Variants in HERC2 observed in about 807,000 individuals in gnomAD.
HERC2 encodes HECT and RLD domain containing E3 ubiquitin protein ligase 2, also known as E3 ubiquitin-protein ligase HERC2.
HERC2 carries 102 observed loss-of-function variants against 537.7 expected under a neutral mutation model. That is an observed-to-expected ratio of 0.19 (90% CI 0.16 to 0.22). HERC2 has a LOEUF of 0.22. Among genes scored for constraint, HERC2 ranks in the 10% least tolerant of loss-of-function variants. The pLI is 1.00. For missense variants in HERC2, 4,236 were observed against 6,198.2 expected (o/e 0.68, Z 10.63); for synonymous variants, 2,224 against 2,466.2 (o/e 0.90, Z 2.91).
intron 4 of HERC2, among the ~76,000 whole-genome samples, chr15:28,285,806 A>AAAAAT (rs1476302479): frequency 3.3e-5 from 5 of 149,884 alleles, no homozygotes; most frequent in Non-Finnish European, 7.4e-5. Context: ...TGACTGACAA[A>AAAAAT]AAAAAAAAAA....
chr15:28,293,119 T>C (rs1334557204), intron 3 of HERC2, 97 bp from the exon 4 acceptor site: 12 of 971,048 alleles, frequency 1.2e-5, no homozygotes, highest in Non-Finnish European at 1.9e-5. Flanking sequence ...ACAACACACA[T>C]CATTAACTGA....
chr15:28,115,390 A>G (rs753683654), intron 89 of HERC2, 39 bp downstream of exon 89: 10 of 1,418,728 alleles, frequency 7.0e-6, no homozygotes, highest in African/African-American at 1.4e-5. Flanking sequence ...GCCTGTTAAC[A>G]AGACCCTAGA....
At chr15:28,136,323 A>G (rs10852220) in intron 78 of HERC2, among the ~76,000 whole-genome samples, 139,209 of 151,844 alleles carry the variant, frequency 0.92, 64,728 homozygotes, top group Non-Finnish European at 0.99. Flanking sequence ...GTGCTGCTGC[A>G]CTGACATAAT....
rs1403000380 is a variant in HERC2 at position 28,303,709 on chromosome 15, GTCT to G, written c.73-4196_73-4194del. 2.0e-5 allele frequency among the ~76,000 whole-genome samples: 3 copies of G among 152,200 alleles called. No homozygotes were observed. In the East Asian group the frequency reaches 5.8e-4, roughly 29 times the overall value. On this transcript the variant is annotated intron_variant, in intron 2 of 92. Transcript: ENST00000261609. ...CGGAGTATCTTTTCCTTTTTTGTGT[GTCT>G]TCTTCAATTTTCTGCATCACTGTTT... is the stretch of plus-strand genomic sequence containing the variant.
chr15:28,124,897 C>T (rs1403669642), intron 84 of HERC2, 109 bp downstream of exon 84: 1 of 1,145,582 alleles, frequency 8.7e-7, no homozygotes, highest in Non-Finnish European at 1.2e-6. Flanking sequence ...TTTACTGAGC[C>T]TGAATTATTT....
chr15:28,251,861 A>AT (rs2075094607), intron 20 of HERC2, among the ~76,000 whole-genome samples: 1 of 152,232 alleles, frequency 6.6e-6, no homozygotes, highest in South Asian at 2.1e-4. Context: ...AAATATTACC[A>AT]TTTCAACATG....
At chr15:28,282,630 C>T (rs991232685) in intron 4 of HERC2, among the ~76,000 whole-genome samples, 2 of 152,148 alleles carry the variant, frequency 1.3e-5, no homozygotes, top group Admixed American at 1.3e-4. Context: ...GTGAATAACA[C>T]AGAAGAAATA....
At chr15:28,251,277 T>G (rs1441923442) in intron 20 of HERC2, among the ~76,000 whole-genome samples, 2 of 151,776 alleles carry the variant, frequency 1.3e-5, no homozygotes, top group African/African-American at 4.8e-5. Context: ...ACCCCATCTC[T>G]ACTAAAAATA....
Position 28,212,461 on chromosome 15 carries a change from A to C in HERC2, c.6909T>G (p.Thr2303=). ...TGTACTGACCTGCAAAGGCCTGTTT[A>C]GTCGATTTCTTTATTTTGTGCTTTT... ...KLEKHKIKKS[T]KQAFAGQVDL... Residue 2303 remains threonine (T), a synonymous_variant, in exon 43 of 93, where the codon ACT becomes ACG. Transcript: ENST00000261609. 2 of 1,610,758 alleles carry C rather than the reference A, an allele frequency of 1.2e-6. No homozygotes were observed. Among genetic ancestry groups the C allele is most frequent in the Non-Finnish European group, 1.7e-6 (2 of 1,178,906 alleles).
Position 28,228,245 on chromosome 15 carries a change from G to A in HERC2, c.5437C>T (p.Leu1813Phe). The A allele has an allele frequency of 6.2e-7, 1 of 1,613,696 alleles. No homozygotes were observed. The highest frequency in any genetic ancestry group is 8.5e-7 in the Non-Finnish European group (1 of 1,179,824). Residue 1813 changes from leucine (L) to phenylalanine (F), a missense_variant, in exon 35 of 93, where the codon CTC (leucine) becomes TTC (phenylalanine). Leu to Phe is a conservative substitution (Grantham distance 22). Coordinates refer to ENST00000261609, the MANE Select transcript of HERC2 (RefSeq NM_004667.6). ...ATCAGGCGCAGTGCCGTCTGCGTGAGGGCCAGCATGCCGGAATTGAGCAGA... is the reference window on the plus strand; with the variant it reads ...ATCAGGCGCAGTGCCGTCTGCGTGAAGGCCAGCATGCCGGAATTGAGCAGA... Reference protein sequence around the residue: ...DLLLNSGMLALTQTALRLIGP... With the variant: ...DLLLNSGMLAFTQTALRLIGP...
intron 2 of HERC2, among the ~76,000 whole-genome samples, chr15:28,310,828 A>C (rs1188308532): frequency 6.6e-6 from 1 of 152,200 alleles, no homozygotes; most frequent in Admixed American, 6.6e-5. Context: ...CTGTAATCCC[A>C]GCACTTTGGG....
At chr15:28,256,026 T>C (rs1209966681) in intron 18 of HERC2, 30 bp from the exon 19 acceptor site, 2 of 1,604,942 alleles carry the variant, frequency 1.2e-6, no homozygotes, top group African/African-American at 2.7e-5. Flanking sequence ...CCAATTTGAG[T>C]GAAACGCCAT....
At position 28,122,242 on chromosome 15, in the gene HERC2, G is replaced by A. The variant is rs1344989683; in HGVS notation, c.13189-813C>T. Among the ~76,000 whole-genome samples the A allele has an allele frequency of 2.0e-5, 3 of 152,244 alleles. No individual in the cohort carries two copies. The highest frequency in any genetic ancestry group is 2.1e-4 in the South Asian group (1 of 4,836). The stretch of plus-strand genomic sequence containing the variant: ...GCCGTTCCCCAGGAGGGAGCAGGTC[G>A]GCCATGCCCGTGGGGAAAGGGCAGA... On this transcript the variant is annotated intron_variant, in intron 85 of 92. Coordinates refer to ENST00000261609, the MANE Select transcript of HERC2 (RefSeq NM_004667.6). The surrounding 1 kb of genome is among the most constrained non-coding windows in gnomAD (Gnocchi z 4.1).
intron 35 of HERC2, among the ~76,000 whole-genome samples, chr15:28,225,971 A>G (rs1220752732): frequency 1.3e-5 from 2 of 152,218 alleles, no homozygotes. Context: ...TCAACAAAGA[A>G]AAGCTTAGCT....
At chr15:28,315,621 C>T (rs1260974589) in intron 2 of HERC2, 2 of 533,826 alleles carry the variant, frequency 3.7e-6, no homozygotes, top group African/African-American at 1.9e-5. Flanking sequence ...GGTGAAACCC[C>T]ATCTCTACTA....
intron 83 of HERC2, among the ~76,000 whole-genome samples, chr15:28,127,584 T>C (rs1011326623): frequency 6.6e-6 from 1 of 152,134 alleles, no homozygotes; most frequent in African/African-American, 2.4e-5. Flanking sequence ...GACGCCTCAA[T>C]AGCAATGAGC....
intron 69 of HERC2, among the ~76,000 whole-genome samples, chr15:28,160,181 G>A (rs1893437861): frequency 6.6e-6 from 1 of 152,214 alleles, no homozygotes; most frequent in South Asian, 2.1e-4. Flanking sequence ...TCGGGGGTCA[G>A]GGACCCACTT....
intron 65 of HERC2, among the ~76,000 whole-genome samples, chr15:28,171,356 T>C (rs957693328): frequency 6.6e-6 from 1 of 152,166 alleles, no homozygotes; most frequent in African/African-American, 2.4e-5. Context: ...AAGTTATACA[T>C]ATAATGTGAC....
intron 92 of HERC2, 76 bp downstream of exon 92, chr15:28,112,995 G>C (rs1887814206): frequency 8.5e-7 from 1 of 1,180,498 alleles, no homozygotes; most frequent in Non-Finnish European, 1.2e-6. Context: ...TGTGCTGCAG[G>C]ACTGTGGGTG....
Sources: allele counts gnomAD v4.1 joint callset (sites outside exome capture counted in the v4.1 genomes callset), GRCh38; gene constraint gnomAD v4.1.1; non-coding constraint Gnocchi (gnomAD v3.1); transcripts MANE v1.5; gene names NCBI Gene and HGNC (gene_info 2026-07-23, HGNC 2026-07-21).